The following DNAH11 variants were observed in gnomAD, a reference collection of about 807,000 sequenced individuals.
DNAH11 encodes axonemal beta dynein heavy chain 11.
A neutral mutation model predicts 526.0 loss-of-function variants in DNAH11; 442 were observed. The observed-to-expected ratio is 0.84, with a 90% CI of 0.78 to 0.91. DNAH11 has a LOEUF of 0.91. Ranked by LOEUF, DNAH11 falls within the 40% of genes least tolerant of loss-of-function variation. The probability of loss-of-function intolerance (pLI) is 0.00; values close to 1 mark genes in which losing one functional copy is unlikely to be tolerated. For synonymous variants in DNAH11, 2,461 were observed against 1,935.9 expected, an observed-to-expected ratio of 1.27 and a Z score of -7.12; for missense variants, 6,989 against 5,448.7, an observed-to-expected ratio of 1.28 and a Z score of -8.90.
intron 9 of DNAH11, among the ~76,000 whole-genome samples, chr7:21,586,615 A>G (rs1784485348): frequency 6.6e-6 from 1 of 152,210 alleles, no homozygotes; most frequent in Non-Finnish European, 1.5e-5. Flanking sequence ...TTTTATTATG[A>G]AGCTGTTTTT....
intron 51 of DNAH11, 144 bp from the exon 52 acceptor site, chr7:21,748,436 C>G: frequency 1.1e-6 from 1 of 912,060 alleles, no homozygotes; most frequent in Non-Finnish European, 1.4e-6. Flanking sequence ...CTGCAATGAG[C>G]CAAGATCGCG....
chr7:21,822,467 T>G (rs1434521178), intron 65 of DNAH11, among the ~76,000 whole-genome samples: 7 of 152,170 alleles, frequency 4.6e-5, no homozygotes, highest in Admixed American at 3.9e-4. Flanking sequence ...CCAACATTGA[T>G]GGTCACATTT....
intron 30 of DNAH11, among the ~76,000 whole-genome samples, chr7:21,674,680 G>A (rs13232198): frequency 0.46 from 69,001 of 151,630 alleles, 17,728 homozygotes; most frequent in Admixed American, 0.63. Context: ...ATCCCTGACT[G>A]ATTTCATCCA....
chr7:21,616,059 G>C (rs1297432145), intron 21 of DNAH11, 150 bp from the exon 22 acceptor site: 20 of 604,360 alleles, frequency 3.3e-5, no homozygotes, highest in Non-Finnish European at 5.5e-5. Context: ...TTTGGTGATA[G>C]GGAAGTTTTG....
At chr7:21,816,789 T>G in intron 64 of DNAH11, 87 bp downstream of exon 64, 2 of 1,009,908 alleles carry the variant, frequency 2.0e-6, no homozygotes, top group Admixed American at 2.1e-5. Context: ...TTCTTAGACC[T>G]CTCCACCACA....
Position 21,587,960 on chromosome 7 carries a change from T to A in DNAH11, c.1711-104T>A, listed in dbSNP as rs78287735. On this transcript the variant is annotated intron_variant, in intron 9 of 81. Coordinates refer to ENST00000409508, the MANE Select transcript of DNAH11 (RefSeq NM_001277115.2). The stretch of plus-strand genomic sequence containing the variant: ...GAAGCATCACAGGATGCTTTTAAGA[T>A]TCTAAACTTTAGTCATGTAAGAGGT... 17 of 1,112,298 alleles carry A rather than the reference T, an allele frequency of 1.5e-5. No individual in the cohort carries two copies. The East Asian group carries it at 3.1e-4, about 20-fold the overall frequency. The allele number at this position is 1,112,298 out of a possible 1,614,324, so 68.9% of individuals were successfully genotyped here. A position where few individuals can be genotyped will look rare whatever the true frequency, so the allele number is the denominator to read the frequency against.
chr7:21,832,559 T>A (rs1259755609), intron 65 of DNAH11, among the ~76,000 whole-genome samples: 2 of 152,152 alleles, frequency 1.3e-5, no homozygotes, highest in Non-Finnish European at 2.9e-5. Context: ...CTTTATCCAA[T>A]TTGCCAATCT....
In DNAH11 at chr7:21,616,350, A is replaced by G. The variant is rs369859260; in HGVS notation, c.4095+58A>G. ...ATCTTTCTCAGCACCACCTCCTTCC[A>G]TCTTCCCTAATCTAGTATCTGGTGT... On this transcript the variant is annotated intron_variant, in intron 22 of 81. Coordinates refer to ENST00000409508, the MANE Select transcript of DNAH11 (RefSeq NM_001277115.2). The G allele has an allele frequency of 2.3e-5, 30 of 1,302,386 alleles. No homozygotes were observed. The African/African-American group carries it at 3.6e-4, about 16-fold the overall frequency. The allele number at this position is 1,302,386 out of a possible 1,614,324, so 80.7% of individuals were successfully genotyped here.
intron 2 of DNAH11, among the ~76,000 whole-genome samples, chr7:21,558,322 A>G (rs1783304211): frequency 6.6e-6 from 1 of 152,158 alleles, no homozygotes; most frequent in Admixed American, 6.5e-5. Flanking sequence ...TTCATGGTAG[A>G]AGGAGTTCTG....
chr7:21,845,027 CTG>C, intron 66 of DNAH11, among the ~76,000 whole-genome samples: 2 of 152,202 alleles, frequency 1.3e-5, no homozygotes, highest in South Asian at 4.2e-4. Flanking sequence ...GGGACCGTGT[CTG>C]TAATCAAGGC....
chr7:21,675,584 C>T (rs1388747261), intron 30 of DNAH11, among the ~76,000 whole-genome samples: 2 of 152,192 alleles, frequency 1.3e-5, no homozygotes, highest in African/African-American at 4.8e-5. Context: ...GAAACAAGAA[C>T]CACATTTGTC....
chr7:21,872,222 G>A (rs1194317768), intron 73 of DNAH11, among the ~76,000 whole-genome samples: 1 of 147,652 alleles, frequency 6.8e-6, no homozygotes, highest in African/African-American at 2.5e-5. Context: ...CACATTATGA[G>A]ATGCTGGGGG....
At chr7:21,761,393 A>G (rs7795917) in intron 54 of DNAH11, among the ~76,000 whole-genome samples, 33,901 of 151,732 alleles carry the variant, frequency 0.22, 4,030 homozygotes, top group Admixed American at 0.27. Context: ...ACATGTAATT[A>G]TTTATTTAAA....
chr7:21,736,522 G>A (rs1785620206), intron 46 of DNAH11, among the ~76,000 whole-genome samples: 1 of 152,230 alleles, frequency 6.6e-6, no homozygotes, highest in Non-Finnish European at 1.5e-5. Context: ...TGCCTTGAAT[G>A]TGGGCTCCTG....
intron 63 of DNAH11, among the ~76,000 whole-genome samples, chr7:21,809,982 C>T (rs1789439493): frequency 6.6e-6 from 1 of 152,162 alleles, no homozygotes; most frequent in South Asian, 2.1e-4. Flanking sequence ...TGGAAAAGTG[C>T]TTTAAACAGA....
chr7:21,712,246 G>A (rs2128481375), intron 42 of DNAH11, among the ~76,000 whole-genome samples: 1 of 152,244 alleles, frequency 6.6e-6, no homozygotes, highest in Admixed American at 6.5e-5. Context: ...ACTCCATTAT[G>A]TGTACATACC....
intron 73 of DNAH11, among the ~76,000 whole-genome samples, chr7:21,872,964 C>G (rs1783558329): frequency 6.6e-6 from 1 of 152,154 alleles, no homozygotes; most frequent in South Asian, 2.1e-4. Flanking sequence ...TACTAGGCAA[C>G]TCCATCTCAG....
chr7:21,755,116 C>T (rs1164837218), intron 54 of DNAH11, among the ~76,000 whole-genome samples: 2 of 152,156 alleles, frequency 1.3e-5, no homozygotes, highest in Non-Finnish European at 1.5e-5. Flanking sequence ...CCATGCTCAC[C>T]GCCCAAAGTC....
intron 74 of DNAH11, among the ~76,000 whole-genome samples, chr7:21,877,737 T>A (rs1783771223): frequency 6.6e-6 from 1 of 151,550 alleles, no homozygotes; most frequent in African/African-American, 2.4e-5. Flanking sequence ...TAGCCAGGCG[T>A]GGTGGTGGGC....
Sources: allele counts gnomAD v4.1 joint callset (sites outside exome capture counted in the v4.1 genomes callset), GRCh38; gene constraint gnomAD v4.1.1; transcripts MANE v1.5; gene names NCBI Gene and HGNC (gene_info 2026-07-23, HGNC 2026-07-21).